The following ZFAT variants were observed in gnomAD, a reference collection of about 807,000 sequenced individuals.
ZFAT encodes zinc finger and AT-hook domain containing, also known as zinc finger protein ZFAT.
ZFAT carries 64 observed loss-of-function variants against 117.7 expected under a neutral mutation model. That is an observed-to-expected ratio of 0.54 (90% CI 0.44 to 0.67). ZFAT has a LOEUF of 0.67. Ranked by LOEUF, ZFAT falls within the 30% of genes least tolerant of loss-of-function variation. The probability of loss-of-function intolerance (pLI) is 0.00; values close to 1 mark genes in which losing one functional copy is unlikely to be tolerated. For missense variants in ZFAT, 1,433 were observed against 1,584.5 expected (o/e 0.90, Z 1.62); for synonymous variants, 679 against 615.0 (o/e 1.10, Z -1.54).
intron 15 of ZFAT, among the ~76,000 whole-genome samples, chr8:134,507,678 C>CCCA (rs1296939821): frequency 6.6e-6 from 1 of 152,198 alleles, no homozygotes; most frequent in East Asian, 1.9e-4. Context: ...TAAGCTATAA[C>CCCA]CCAACCCCTG....
At chr8:134,627,720 T>C (rs1829610734) in intron 3 of ZFAT, among the ~76,000 whole-genome samples, 2 of 152,214 alleles carry the variant, frequency 1.3e-5, no homozygotes, top group African/African-American at 4.8e-5. Context: ...AATCCATATT[T>C]TCACTCAAAA....
rs181859843 is a variant in ZFAT, at chr8:134,650,216, G to A, written c.196+7345C>T. Among the ~76,000 whole-genome samples, 352 of 150,730 alleles carry A rather than the reference G, an allele frequency of 2.3e-3. 4 individuals carry two copies. The East Asian group carries it at 0.034, about 14-fold the overall frequency. The stretch of plus-strand genomic sequence containing the variant: ...TGGCTCACTGCAACCTCTGCCTCCT[G>A]GGTTCAAGTGATTCTTCTGCTGCCT... On this transcript the variant is annotated intron_variant, in intron 2 of 15. Coordinates refer to ENST00000377838, the MANE Select transcript of ZFAT (RefSeq NM_020863.4).
At chr8:134,583,759 T>C in intron 10 of ZFAT, 73 bp downstream of exon 10, 1 of 1,554,004 alleles carries the variant, frequency 6.4e-7, no homozygotes, top group Non-Finnish European at 8.7e-7. Context: ...TACAGCAAGT[T>C]TCTGACAAAC....
intron 13 of ZFAT, among the ~76,000 whole-genome samples, chr8:134,520,035 T>C (rs1317884296): frequency 2.0e-5 from 3 of 152,222 alleles, no homozygotes; most frequent in African/African-American, 4.8e-5. Context: ...ATTTTTTTCA[T>C]ATGTTGTGGA....
the ZFAT span, chr8:134,800,510 T>C: frequency 5.9e-6 from 3 of 506,842 alleles, no homozygotes; most frequent in Admixed American, 4.0e-5. Context: ...CAATGTTAAT[T>C]GGTTGACATT....
Position 134,570,384 on chromosome 8 carries a change from A to C in ZFAT, c.2888-4963T>G, listed in dbSNP as rs138960125. The stretch of plus-strand genomic sequence containing the variant: ...TTTTCTTAATATTTTAGATGTACTC[A>C]TATTTCCATTGTAATATACCACACA... On this transcript the variant is annotated intron_variant, in intron 10 of 15. Transcript: ENST00000377838. 7.5e-3 allele frequency among the ~76,000 whole-genome samples: 1,140 copies of C among 152,212 alleles called. 16 individuals are homozygous for C. Among genetic ancestry groups the C allele is most frequent in the African/African-American group, 0.025 (1,043 of 41,522 alleles).
At chr8:134,717,536 T>G (rs753738424), upstream of ZFAT, among the ~76,000 whole-genome samples, 1 of 129,830 alleles carries the variant, frequency 7.7e-6, no homozygotes, top group Non-Finnish European at 1.6e-5. Flanking sequence ...CAGGCTGGAG[T>G]GCAGTTGTGC....
intron 15 of ZFAT, among the ~76,000 whole-genome samples, chr8:134,481,822 GACC>G (rs1817329968): frequency 6.6e-6 from 1 of 152,200 alleles, no homozygotes; most frequent in African/African-American, 2.4e-5. Context: ...CAGCGCCTGG[GACC>G]ACTTCTTGGA....
In ZFAT at chr8:134,478,750, C is replaced by T; in HGVS notation, c.3493-29G>A. ...CGGGAGGAGGGCAAGAGAAAGGTCACCCAGCGCCTACTTCCCGGTCCAGCG... is the reference window on the plus strand; with the variant it reads ...CGGGAGGAGGGCAAGAGAAAGGTCATCCAGCGCCTACTTCCCGGTCCAGCG... On this transcript the variant is annotated intron_variant, in intron 15 of 15. Transcript: ENST00000377838. This position sits in a 1 kb window ranked among gnomAD's most constrained non-coding sequence, Gnocchi z 5.2. 6.5e-7 allele frequency: 1 copy of T among 1,536,176 alleles called. No homozygotes were observed. The highest frequency in any genetic ancestry group is 1.2e-5 in the South Asian group (1 of 83,876).
At chr8:134,716,338 T>G (rs1156299006), upstream of ZFAT, among the ~76,000 whole-genome samples, 1 of 152,132 alleles carries the variant, frequency 6.6e-6, no homozygotes, top group African/African-American at 2.4e-5. Context: ...AAGAGAAGGA[T>G]GTAGTAATGC....
the ZFAT span, among the ~76,000 whole-genome samples, chr8:134,763,431 T>G: frequency 5.9e-5 from 9 of 152,328 alleles, no homozygotes; most frequent in African/African-American, 1.9e-4. Flanking sequence ...CTCCCTCATT[T>G]CTTTTAGGTC....
chr8:134,793,713 C>T, the ZFAT span: 1 of 147,654 alleles, frequency 6.8e-6, no homozygotes, highest in South Asian at 2.1e-4. Context: ...AGGCCACAGA[C>T]CAGTACCAGT....
intron 11 of ZFAT, among the ~76,000 whole-genome samples, chr8:134,540,224 G>C (rs536056098): frequency 1.3e-5 from 2 of 152,172 alleles, no homozygotes; most frequent in Non-Finnish European, 2.9e-5. Context: ...AGATGGGCTC[G>C]GAAGAAGGAC....
At chr8:134,600,299 C>A in intron 7 of ZFAT, 137 bp downstream of exon 7, 1 of 821,306 alleles carries the variant, frequency 1.2e-6, no homozygotes, top group South Asian at 1.5e-5. Flanking sequence ...CTGCCACGTG[C>A]ACAGCTGTGT....
chr8:134,491,906 C>A (rs1818081999), intron 15 of ZFAT, among the ~76,000 whole-genome samples: 1 of 152,158 alleles, frequency 6.6e-6, no homozygotes, highest in African/African-American at 2.4e-5. Context: ...ACCACTGTAT[C>A]TTGGTATAGT....
At chr8:134,708,638 C>CT (rs1252857317) in intron 1 of ZFAT, among the ~76,000 whole-genome samples, 1 of 152,010 alleles carries the variant, frequency 6.6e-6, no homozygotes, top group African/African-American at 2.4e-5. Flanking sequence ...TTTTGCTCTG[C>CT]TTTTTCTTTT....
At chr8:134,511,025 C>T (rs1819794966) in intron 14 of ZFAT, 1 of 152,512 alleles carries the variant, frequency 6.6e-6, no homozygotes. Flanking sequence ...GAAACCAGGC[C>T]ATACCCCAGG....
At chr8:134,813,092 A>T in the ZFAT span, among the ~76,000 whole-genome samples, 1 of 152,236 alleles carries the variant, frequency 6.6e-6, no homozygotes, top group Non-Finnish European at 1.5e-5. Flanking sequence ...GATGTTTTCT[A>T]CACAGGCTAA....
At chr8:134,535,363 A>G (rs1316771624) in intron 11 of ZFAT, among the ~76,000 whole-genome samples, 1 of 152,146 alleles carries the variant, frequency 6.6e-6, no homozygotes, top group Non-Finnish European at 1.5e-5. Context: ...AAAATCAGTT[A>G]GTCATCAAAG....
Sources: gnomAD v4.1 joint callset for allele counts (sites outside exome capture counted in the v4.1 genomes callset) on GRCh38, gnomAD v4.1.1 for gene constraint, Gnocchi (gnomAD v3.1) non-coding constraint, MANE v1.5 for transcripts, NCBI Gene and HGNC (gene_info 2026-07-23, HGNC 2026-07-21) for gene names.